Variants in COMMD1 observed in about 807,000 individuals in gnomAD.
The protein encoded by COMMD1 is COMM domain-containing protein 1.
Under a neutral mutation model 17.2 loss-of-function variants are expected in COMMD1, and 10 were observed. The observed-to-expected ratio is 0.58, with a 90% CI of 0.36 to 0.99. The LOEUF (loss-of-function observed/expected upper bound fraction) is 0.99. COMMD1 is among the 50% of genes least tolerant of loss of function. The pLI, the probability that COMMD1 is intolerant of heterozygous loss-of-function variation, is 0.01. For missense variants in COMMD1, 270 were observed against 231.8 expected (o/e 1.17, Z -1.07); for synonymous variants, 97 against 91.6 (o/e 1.06, Z -0.34).
At chr2:62,013,448 C>G (rs1558562188) in intron 2 of COMMD1, among the ~76,000 whole-genome samples, 1 of 152,156 alleles carries the variant, frequency 6.6e-6, no homozygotes, top group Non-Finnish European at 1.5e-5. Context: ...TATGACAGGT[C>G]CCTTCCTTTA....
intron 1 of COMMD1, among the ~76,000 whole-genome samples, chr2:61,994,790 C>T (rs1668708365): frequency 6.6e-6 from 1 of 152,158 alleles, no homozygotes. Context: ...AAAATGCTGT[C>T]TGTAACTCCA....
intron 2 of COMMD1, among the ~76,000 whole-genome samples, chr2:62,030,411 C>T (rs1382030302): frequency 5.3e-5 from 8 of 152,128 alleles, no homozygotes; most frequent in Non-Finnish European, 8.8e-5. Flanking sequence ...CTTCTGAAGC[C>T]TACAGTTTGG....
At chr2:61,955,832 C>A (rs540861887) in intron 1 of COMMD1, among the ~76,000 whole-genome samples, 295 of 152,080 alleles carry the variant, frequency 1.9e-3, no homozygotes, top group Non-Finnish European at 3.6e-3. Flanking sequence ...ATTACAGGCG[C>A]CCACCACCAC....
chr2:61,893,346 A>T (rs957179072), intron 1 of COMMD1, among the ~76,000 whole-genome samples: 1 of 151,954 alleles, frequency 6.6e-6, no homozygotes, highest in African/African-American at 2.4e-5. Flanking sequence ...ATTGTTGGCA[A>T]TAGTAAAAAA....
intron 2 of COMMD1, among the ~76,000 whole-genome samples, 178 bp from the exon 3 acceptor site, chr2:62,135,653 A>G (rs182093772): frequency 5.3e-5 from 8 of 152,276 alleles, no homozygotes; most frequent in Admixed American, 3.9e-4. Context: ...GCCTGGCATA[A>G]AAGCACTTTT....
intron 2 of COMMD1, among the ~76,000 whole-genome samples, chr2:62,062,647 CTAAT>C (rs1670895622): frequency 6.6e-6 from 1 of 152,002 alleles, no homozygotes; most frequent in Non-Finnish European, 1.5e-5. Flanking sequence ...AAAAATAAAG[CTAAT>C]TAATCCATTA....
chr2:62,032,683 C>A (rs1329961980), intron 2 of COMMD1, among the ~76,000 whole-genome samples: 1 of 152,074 alleles, frequency 6.6e-6, no homozygotes, highest in East Asian at 1.9e-4. Context: ...TATAGATTTC[C>A]CCCTTGCTGC....
chr2:61,951,845 G>T (rs997344057), intron 1 of COMMD1, among the ~76,000 whole-genome samples: 5 of 152,258 alleles, frequency 3.3e-5, no homozygotes, highest in African/African-American at 1.2e-4. Flanking sequence ...TGTCACTGTA[G>T]ATTTGTTTAC....
intron 2 of COMMD1, among the ~76,000 whole-genome samples, chr2:62,077,865 A>G (rs1158964981): frequency 6.6e-6 from 1 of 152,084 alleles, no homozygotes; most frequent in Non-Finnish European, 1.5e-5. Context: ...AGATGGGACA[A>G]CTTGAAGTGG....
At chr2:62,034,352 T>A (rs949457150) in intron 2 of COMMD1, among the ~76,000 whole-genome samples, 1 of 151,726 alleles carries the variant, frequency 6.6e-6, no homozygotes, top group African/African-American at 2.4e-5. Context: ...ATACAAAAAT[T>A]AGCCAGGCGT....
At chr2:62,098,539 T>G (rs760386278) in intron 2 of COMMD1, among the ~76,000 whole-genome samples, 2 of 152,236 alleles carry the variant, frequency 1.3e-5, no homozygotes, top group Non-Finnish European at 2.9e-5. Flanking sequence ...TGCTAACTCC[T>G]TATCTAAACC....
At chr2:61,957,087 C>CGCGTGTGT (rs71410906) in intron 1 of COMMD1, among the ~76,000 whole-genome samples, 1 of 146,792 alleles carries the variant, frequency 6.8e-6, no homozygotes, top group Non-Finnish European at 1.5e-5. Flanking sequence ...AAGATGGATG[C>CGCGTGTGT]GTGTGTGTGT....
Position 62,000,828 on chromosome 2 carries a change from C to A in COMMD1, c.308C>A (p.Thr103Lys). 4 of 1,614,084 alleles carry A rather than the reference C, an allele frequency of 2.5e-6. No individual in the cohort carries two copies. The highest frequency in any genetic ancestry group is 3.4e-6 in the Non-Finnish European group (4 of 1,180,010). ...VISKFWKSHKTKIRESLMNQS... is the reference protein window; with the variant it reads ...VISKFWKSHKKKIRESLMNQS... The stretch of plus-strand genomic sequence containing the variant: ...TCCAAATTCTGGAAGAGCCACAAGA[C>A]AAAAATCCGTGAGAGCCTCATGAAC... The change falls in exon 2 of 3, where the codon ACA (threonine) becomes AAA (lysine). Residue 103 changes from threonine (T) to lysine (K), a missense_variant. Coordinates refer to ENST00000311832, the MANE Select transcript of COMMD1 (RefSeq NM_152516.4).
intron 2 of COMMD1, among the ~76,000 whole-genome samples, chr2:62,065,788 C>T (rs956464503): frequency 6.6e-6 from 1 of 152,150 alleles, no homozygotes; most frequent in Non-Finnish European, 1.5e-5. Flanking sequence ...GATTATACCT[C>T]AAAGCAAAAA....
chr2:61,919,076 A>G (rs966849472), intron 1 of COMMD1, among the ~76,000 whole-genome samples: 3 of 151,056 alleles, frequency 2.0e-5, no homozygotes, highest in Admixed American at 6.6e-5. Flanking sequence ...CAATGGTGTG[A>G]TCTCGGCTCA....
intron 2 of COMMD1, among the ~76,000 whole-genome samples, chr2:62,002,796 C>T (rs978857785): frequency 8.6e-5 from 13 of 151,584 alleles, no homozygotes; most frequent in African/African-American, 2.9e-4. Context: ...GTGGAGGTTG[C>T]AGTGAGCAGG....
chr2:62,093,974 T>A (rs1424668276), intron 2 of COMMD1, among the ~76,000 whole-genome samples: 1 of 152,228 alleles, frequency 6.6e-6, no homozygotes, highest in Non-Finnish European at 1.5e-5. Context: ...TGGACACTTT[T>A]GATTATGTCT....
At chr2:61,992,492 C>T (rs996466547) in intron 1 of COMMD1, among the ~76,000 whole-genome samples, 3 of 152,112 alleles carry the variant, frequency 2.0e-5, no homozygotes, top group Non-Finnish European at 2.9e-5. Context: ...AACATCAGCC[C>T]ACAGGTGGTC....
intron 2 of COMMD1, among the ~76,000 whole-genome samples, chr2:62,058,737 CA>C (rs549048404): frequency 3.0e-4 from 43 of 144,222 alleles, no homozygotes; most frequent in Non-Finnish European, 4.1e-4. Flanking sequence ...AACCCTGTCT[CA>C]AAAAAAAAAG....
Sources: allele counts gnomAD v4.1 joint callset (sites outside exome capture counted in the v4.1 genomes callset), GRCh38; gene constraint gnomAD v4.1.1; transcripts MANE v1.5; gene names NCBI Gene and HGNC (gene_info 2026-07-23, HGNC 2026-07-21).